KIAA1217: variants seen among roughly 807,000 people sequenced by gnomAD.
KIAA1217 encodes KIAA1217, also known as sickle tail protein homolog.
Under a neutral mutation model 163.9 loss-of-function variants are expected in KIAA1217, and 88 were observed. The ratio of observed to expected loss-of-function variants is 0.54; its 90% CI spans 0.45 to 0.64. The LOEUF (loss-of-function observed/expected upper bound fraction) is 0.64. Ranked by LOEUF, KIAA1217 falls within the 30% of genes least tolerant of loss-of-function variation. The pLI, the probability that KIAA1217 is intolerant of heterozygous loss-of-function variation, is 0.00. For missense variants in KIAA1217, 2,372 were observed against 2,475.0 expected (o/e 0.96, Z 0.88); for synonymous variants, 903 against 923.1 (o/e 0.98, Z 0.39).
chr10:24,522,207 G>T (rs1312842411), intron 12 of KIAA1217, among the ~76,000 whole-genome samples: 1 of 152,090 alleles, frequency 6.6e-6, no homozygotes, highest in Admixed American at 6.6e-5. Flanking sequence ...GCCAGGTGTG[G>T]TGGCCACTCA....
chr10:24,099,189 T>TC (rs928643981), intron 2 of KIAA1217, among the ~76,000 whole-genome samples: 2 of 111,570 alleles, frequency 1.8e-5, no homozygotes, highest in African/African-American at 8.3e-5. Context: ...TGCAAAAACT[T>TC]TTTTTTTTTT....
rs551912283 is a variant in KIAA1217, at chr10:23,829,044, C to T, written c.-321+133810C>T. 7.9e-5 allele frequency among the ~76,000 whole-genome samples: 12 copies of T among 152,282 alleles called. No homozygotes were observed. In the South Asian group the frequency reaches 1.5e-3, roughly 18 times the overall value. ...ACATACATTGATATATGCAAAATCCCTTTTCCTAAGCACTTTTGCTTAAGG... is the reference window on the plus strand; with the variant it reads ...ACATACATTGATATATGCAAAATCCTTTTTCCTAAGCACTTTTGCTTAAGG... On this transcript the variant is annotated intron_variant, in intron 1 of 18. Transcript: ENST00000376462.
In KIAA1217 at chr10:23,820,684, A is replaced by C. The variant is rs547856433; in HGVS notation, c.-321+125450A>C. 5.1e-3 allele frequency among the ~76,000 whole-genome samples: 777 copies of C among 152,298 alleles called. 6 individuals carry two copies. The highest frequency in any genetic ancestry group is 0.017 in the African/African-American group (704 of 41,572). On this transcript the variant is annotated intron_variant, in intron 1 of 18. Transcript: ENST00000376462. The stretch of plus-strand genomic sequence containing the variant: ...CAGGCTGTGGATGATCAGCAGCACA[A>C]GGCAGATGGTACAAGGTGGGGCTAA...
chr10:23,825,710 T>C (rs1181706993), intron 1 of KIAA1217, among the ~76,000 whole-genome samples: 1 of 152,180 alleles, frequency 6.6e-6, no homozygotes, highest in Non-Finnish European at 1.5e-5. Flanking sequence ...ACTTAGGAAA[T>C]AGTGGATAAG....
At chr10:24,313,490 C>G (rs1420690309) in intron 2 of KIAA1217, among the ~76,000 whole-genome samples, 2 of 152,066 alleles carry the variant, frequency 1.3e-5, no homozygotes, top group African/African-American at 4.8e-5. Flanking sequence ...GATGTGACTG[C>G]GGAAATATTA....
chr10:24,364,903 G>A (rs993079415), intron 2 of KIAA1217, among the ~76,000 whole-genome samples: 25 of 151,840 alleles, frequency 1.6e-4, no homozygotes, highest in African/African-American at 5.3e-4. Flanking sequence ...AGGTCAAGCA[G>A]TCCTCCCCCC....
At chr10:24,321,590 G>A (rs1304899068) in intron 2 of KIAA1217, among the ~76,000 whole-genome samples, 2 of 152,270 alleles carry the variant, frequency 1.3e-5, no homozygotes, top group African/African-American at 4.8e-5. Flanking sequence ...TGGATAAAAT[G>A]TGAAGGAAAT....
chr10:24,155,330 C>G (rs1257299510), intron 2 of KIAA1217, among the ~76,000 whole-genome samples: 1 of 152,062 alleles, frequency 6.6e-6, no homozygotes, highest in Non-Finnish European at 1.5e-5. Flanking sequence ...CCACAGAACC[C>G]TAGTTAGTGG....
intron 1 of KIAA1217, among the ~76,000 whole-genome samples, chr10:23,980,103 C>G: frequency 6.6e-6 from 1 of 152,114 alleles, no homozygotes; most frequent in East Asian, 1.9e-4. Flanking sequence ...TTTGCAGATT[C>G]TCATTTTCCT....
chr10:23,712,203 G>T (rs977219868), intron 1 of KIAA1217, among the ~76,000 whole-genome samples: 5 of 152,072 alleles, frequency 3.3e-5, no homozygotes, highest in African/African-American at 4.8e-5. Context: ...GTAGAAGTTT[G>T]CTTCTCTGCA....
intron 1 of KIAA1217, among the ~76,000 whole-genome samples, chr10:23,817,296 C>A (rs1374299402): frequency 6.6e-6 from 1 of 152,168 alleles, no homozygotes; most frequent in African/African-American, 2.4e-5. Flanking sequence ...ACTTCTTCTT[C>A]AGAAGAATCC....
intron 17 of KIAA1217, among the ~76,000 whole-genome samples, chr10:24,541,842 G>A (rs984581292): frequency 3.3e-5 from 5 of 152,176 alleles, no homozygotes; most frequent in African/African-American, 1.2e-4. Flanking sequence ...TGACGTCACC[G>A]TCACCAATGT....
At chr10:23,750,430 T>A (rs11013697) in intron 1 of KIAA1217, among the ~76,000 whole-genome samples, 3,672 of 152,308 alleles carry the variant, frequency 0.024, 94 homozygotes, top group South Asian at 0.08. Flanking sequence ...TTCAACTGCC[T>A]AGAAACAGCC....
intron 1 of KIAA1217, among the ~76,000 whole-genome samples, chr10:23,916,042 G>T (rs566081834): frequency 1.3e-5 from 2 of 152,152 alleles, no homozygotes; most frequent in African/African-American, 4.8e-5. Flanking sequence ...TTTCTTGGCT[G>T]CCAGTTATCA....
intron 2 of KIAA1217, chr10:24,158,515 A>G: frequency 3.9e-6 from 2 of 518,500 alleles, no homozygotes; most frequent in South Asian, 2.9e-5. Context: ...CAAAGATGGG[A>G]GGATTTTTAG....
intron 1 of KIAA1217, among the ~76,000 whole-genome samples, chr10:23,790,405 AT>A (rs1419914069): frequency 9.1e-6 from 1 of 109,394 alleles, no homozygotes; most frequent in African/African-American, 3.7e-5. Flanking sequence ...ATATACATAT[AT>A]ACATATACAT....
At chr10:24,230,493 ATTTGT>A (rs1444761640) in intron 2 of KIAA1217, among the ~76,000 whole-genome samples, 226 of 89,004 alleles carry the variant, frequency 2.5e-3, no homozygotes, top group African/African-American at 8.5e-3. Flanking sequence ...AGGCACTACT[ATTTGT>A]TTTGTTTTTT....
chr10:24,014,274 C>G (rs190043296), intron 2 of KIAA1217, among the ~76,000 whole-genome samples: 2 of 152,078 alleles, frequency 1.3e-5, no homozygotes, highest in African/African-American at 4.8e-5. Flanking sequence ...CTATTTAATA[C>G]GCTCTGGCAA....
At chr10:23,737,795 G>A (rs1212212120) in intron 1 of KIAA1217, among the ~76,000 whole-genome samples, 1 of 151,726 alleles carries the variant, frequency 6.6e-6, no homozygotes, top group African/African-American at 2.4e-5. Context: ...GTAGAGAACT[G>A]ATTTCAGTGC....
Sources: gnomAD v4.1 joint callset for allele counts (sites outside exome capture counted in the v4.1 genomes callset) on GRCh38, gnomAD v4.1.1 for gene constraint, MANE v1.5 for transcripts, NCBI Gene and HGNC (gene_info 2026-07-23, HGNC 2026-07-21) for gene names.